PCDH15: variants seen among roughly 807,000 people sequenced by gnomAD.
The protein encoded by PCDH15 is protocadherin-15.
A neutral mutation model predicts 178.5 loss-of-function variants in PCDH15; 129 were observed. The ratio of observed to expected loss-of-function variants is 0.72; its 90% CI spans 0.63 to 0.84. PCDH15 has a LOEUF of 0.84. PCDH15 is among the 40% of genes least tolerant of loss of function. The pLI is 0.00. For missense variants in PCDH15, 2,230 were observed against 2,099.9 expected (o/e 1.06, Z -1.21); for synonymous variants, 800 against 732.0 (o/e 1.09, Z -1.50).
chr10:54,357,018 A>G (rs1282950779), intron 5 of PCDH15, among the ~76,000 whole-genome samples: 2 of 152,184 alleles, frequency 1.3e-5, no homozygotes, highest in Non-Finnish European at 2.9e-5. Context: ...TCTCAAAATA[A>G]TAAGAGCTAT....
intron 15 of PCDH15, among the ~76,000 whole-genome samples, chr10:54,101,304 T>C (rs1296381217): frequency 1.3e-5 from 2 of 152,182 alleles, no homozygotes; most frequent in South Asian, 2.1e-4. Flanking sequence ...GCCCAGTCTC[T>C]GGTATGTCTT....
At chr10:54,871,889 A>C (rs548866237) in intron 3 of PCDH15, among the ~76,000 whole-genome samples, 1 of 152,222 alleles carries the variant, frequency 6.6e-6, no homozygotes, top group Non-Finnish European at 1.5e-5. Context: ...GTTAATTATA[A>C]ATAAACTACT....
At chr10:55,215,970 T>C (rs1364317572) in intron 1 of PCDH15, among the ~76,000 whole-genome samples, 5 of 151,936 alleles carry the variant, frequency 3.3e-5, no homozygotes, top group African/African-American at 1.2e-4. Flanking sequence ...AGAAGAGATA[T>C]TAAGAGCACA....
Position 53,806,325 on chromosome 10 carries a change from C to T in PCDH15, c.*254G>A. On this transcript the variant is annotated 3_prime_UTR_variant, in exon 38 of 38. Coordinates refer to ENST00000644397, the MANE Select transcript of PCDH15 (RefSeq NM_001384140.1). ...ATTAAAATGAACAAAAATTCAAGAC[C>T]CAACAAAACAGCTAAATGTTTAAAC... 5.7e-6 allele frequency: 2 copies of T among 351,396 alleles called. No individual in the cohort carries two copies. Among genetic ancestry groups the T allele is most frequent in the Non-Finnish European group, 1.0e-5 (2 of 196,350 alleles). 21.8% of individuals were successfully genotyped at this position (351,396 alleles called of 1,614,324 possible). A position where few individuals can be genotyped will look rare whatever the true frequency, so the allele number is the denominator to read the frequency against.
intron 10 of PCDH15, among the ~76,000 whole-genome samples, chr10:54,205,481 T>TTGTGTG (rs71461223): frequency 0.033 from 4,434 of 135,122 alleles, 160 homozygotes; most frequent in African/African-American, 0.085. Context: ...TATATTTCCT[T>TTGTGTG]TGTGTGTGTG....
intron 2 of PCDH15, among the ~76,000 whole-genome samples, chr10:55,609,702 A>C (rs1441886138): frequency 1.3e-5 from 2 of 152,164 alleles, no homozygotes; most frequent in African/African-American, 4.8e-5. Context: ...CTATCTATTT[A>C]ACATTAGGCT....
chr10:55,570,261 A>G (rs981126420), intron 2 of PCDH15, among the ~76,000 whole-genome samples: 1 of 152,066 alleles, frequency 6.6e-6, no homozygotes, highest in Non-Finnish European at 1.5e-5. Context: ...CAAGAAGTAG[A>G]AAGACAAACA....
intron 3 of PCDH15, among the ~76,000 whole-genome samples, chr10:54,485,954 T>C (rs1204524567): frequency 6.6e-6 from 1 of 151,726 alleles, no homozygotes; most frequent in Non-Finnish European, 1.5e-5. Flanking sequence ...TCTAACAGTT[T>C]TATGAAAAGA....
rs1158121522 is a variant in PCDH15 at position 54,655,300 on chromosome 10, G to GAGAGAC, written c.91+8871_91+8872insGTCTCT. Among the ~76,000 whole-genome samples, 154 of 111,354 alleles carry GAGAGAC rather than the reference G, an allele frequency of 1.4e-3. 3 individuals carry two copies. The highest frequency in any genetic ancestry group is 2.3e-3 in the Non-Finnish European group (114 of 48,972). 73.1% of individuals were successfully genotyped at this position (111,354 alleles called of 152,430 possible). ...AGAGAGAGAGAGAGAGAGAGAGAGA[G>GAGAGAC]AGACAGAGAGAGAGACAGAGAAAGA... On this transcript the variant is annotated intron_variant, in intron 2 of 37. Transcript: ENST00000644397.
At chr10:54,877,936 C>CTTTTTTTTTTTTTTTTTTTT (rs1954176789) in intron 3 of PCDH15, among the ~76,000 whole-genome samples, 2 of 104,352 alleles carry the variant, frequency 1.9e-5, no homozygotes, top group Non-Finnish European at 4.0e-5. Context: ...CTCTCTCTCT[C>CTTTTTTTTTTTTTTTTTTTT]TCTTTTTTTT....
At chr10:54,118,458 A>G (rs981796139) in intron 15 of PCDH15, among the ~76,000 whole-genome samples, 2 of 152,128 alleles carry the variant, frequency 1.3e-5, no homozygotes, top group African/African-American at 4.8e-5. Context: ...CAGGAGATGG[A>G]GACCGTCCTG....
At chr10:54,632,377 A>C (rs1465077079) in intron 2 of PCDH15, among the ~76,000 whole-genome samples, 2 of 152,116 alleles carry the variant, frequency 1.3e-5, no homozygotes, top group Admixed American at 6.6e-5. Context: ...CCCAAAACTC[A>C]GTGTCACACA....
chr10:55,089,112 C>A (rs1434909154), intron 2 of PCDH15, among the ~76,000 whole-genome samples: 1 of 152,074 alleles, frequency 6.6e-6, no homozygotes, highest in Non-Finnish European at 1.5e-5. Context: ...ACTAAAATTT[C>A]TATTTCCTTC....
At chr10:54,167,651 G>T (rs1262088370) in intron 13 of PCDH15, among the ~76,000 whole-genome samples, 1 of 151,576 alleles carries the variant, frequency 6.6e-6, no homozygotes, top group Non-Finnish European at 1.5e-5. Context: ...TCTGGGAGAG[G>T]GGCAAGTACC....
intron 32 of PCDH15, among the ~76,000 whole-genome samples, chr10:53,824,703 T>C (rs1248439134): frequency 6.6e-6 from 1 of 152,096 alleles, no homozygotes; most frequent in Non-Finnish European, 1.5e-5. Context: ...GGGATTGATA[T>C]TATATACTGG....
At chr10:54,888,443 T>C (rs7071455) in intron 3 of PCDH15, among the ~76,000 whole-genome samples, 148,893 of 152,088 alleles carry the variant, frequency 0.98, 72,958 homozygotes, top group East Asian at 1. Context: ...ACACATCTAG[T>C]TCTTGGTGGA....
intron 20 of PCDH15, among the ~76,000 whole-genome samples, chr10:54,002,383 G>A (rs1192202096): frequency 6.6e-6 from 1 of 151,982 alleles, no homozygotes; most frequent in Non-Finnish European, 1.5e-5. Context: ...TCCAACACCT[G>A]CAGAATACAC....
At chr10:55,456,013 C>T (rs1330891686) in intron 2 of PCDH15, among the ~76,000 whole-genome samples, 1 of 152,020 alleles carries the variant, frequency 6.6e-6, no homozygotes, top group Non-Finnish European at 1.5e-5. Flanking sequence ...CAGTTTCAAC[C>T]AATCACAGAT....
chr10:53,969,618 G>T (rs902747339), intron 21 of PCDH15, among the ~76,000 whole-genome samples: 20 of 152,292 alleles, frequency 1.3e-4, no homozygotes, highest in African/African-American at 4.8e-4. Context: ...GAAAGGTCTG[G>T]TTACCCACAA....
Sources: gnomAD v4.1 joint callset for allele counts (sites outside exome capture counted in the v4.1 genomes callset) on GRCh38, gnomAD v4.1.1 for gene constraint, MANE v1.5 for transcripts, NCBI Gene and HGNC (gene_info 2026-07-23, HGNC 2026-07-21) for gene names.